The following SYDE2 variants were observed in gnomAD, a reference collection of about 807,000 sequenced individuals.
SYDE2 encodes the protein rho GTPase-activating protein SYDE2.
Under a neutral mutation model 91.5 loss-of-function variants are expected in SYDE2, and 76 were observed. The observed-to-expected ratio is 0.83, with a 90% CI of 0.69 to 1.01. The LOEUF (loss-of-function observed/expected upper bound fraction) is 1.01. Ranked by LOEUF, SYDE2 falls within the 50% of genes least tolerant of loss-of-function variation. The probability of loss-of-function intolerance (pLI) is 0.00; values close to 1 mark genes in which losing one functional copy is unlikely to be tolerated. For missense variants in SYDE2, 1,364 were observed against 1,367.7 expected, an observed-to-expected ratio of 1.00 and a Z score of 0.04; for synonymous variants, 513 against 506.4, an observed-to-expected ratio of 1.01 and a Z score of -0.18.
chr1:85,160,175 C>A, intron 6 of SYDE2: 1 of 984,978 alleles, frequency 1.0e-6, no homozygotes, highest in Non-Finnish European at 1.2e-6. Flanking sequence ...TTTCCCTGCA[C>A]TAAGATAAAG....
intron 1 of SYDE2, among the ~76,000 whole-genome samples, chr1:85,197,707 T>G (rs565289523): frequency 2.6e-5 from 4 of 152,156 alleles, no homozygotes; most frequent in Non-Finnish European, 5.9e-5. Flanking sequence ...CAGGCTAGAG[T>G]GCAGTGACAC....
In SYDE2 at chr1:85,189,843, A is replaced by G. The variant is rs1055271409; in HGVS notation, c.1441+214T>C. Among the ~76,000 whole-genome samples, 9 of 152,218 alleles carry G rather than the reference A, an allele frequency of 5.9e-5. No individual in the cohort carries two copies. The South Asian group carries it at 1.9e-3, about 32-fold the overall frequency. On this transcript the variant is annotated intron_variant, in intron 2 of 6. Transcript: ENST00000341460. ...GAGTGAGACCCTTTCTCAAAAAAAT[A>G]AAATAAAAATCAAGTCTGTGATAGT...
intron 6 of SYDE2, among the ~76,000 whole-genome samples, chr1:85,163,442 A>AATATATATATATATATAT (rs1491322072): frequency 6.7e-4 from 34 of 50,764 alleles, no homozygotes; most frequent in South Asian, 1.5e-3. Context: ...CTTGTACTTT[A>AATATATATATATATATAT]ATCTATATAT....
Position 85,163,385 on chromosome 1 carries a change from ATTAAC to A in SYDE2, c.3085+1136_3085+1140del, listed in dbSNP as rs545225551. Among the ~76,000 whole-genome samples, 109 of 145,570 alleles carry A rather than the reference ATTAAC, an allele frequency of 7.5e-4. 1 individual carries two copies. In the Middle Eastern group the frequency reaches 0.032, roughly 42 times the overall value. ...TCTCCCAAAGTGCTGGAAAATTTTT[ATTAAC>A]TTAATTTTTAATTCACTTTAAACGA... On this transcript the variant is annotated intron_variant, in intron 6 of 6. Coordinates refer to ENST00000341460, the MANE Select transcript of SYDE2 (RefSeq NM_032184.2).
intron 6 of SYDE2, 35 bp downstream of exon 6, chr1:85,164,491 T>C (rs1159989577): frequency 2.2e-6 from 3 of 1,360,604 alleles, no homozygotes; most frequent in Non-Finnish European, 3.0e-6. Flanking sequence ...TACCCTATCA[T>C]TGAAAGTGAA....
chr1:85,190,301 G>T lies in SYDE2; in HGVS notation c.1197C>A (p.Leu399=). The T allele has an allele frequency of 6.2e-7, 1 of 1,613,914 alleles. No individual in the cohort carries two copies. Among genetic ancestry groups the T allele is most frequent in the Non-Finnish European group, 8.5e-7 (1 of 1,179,890 alleles). ...ACAACATGCTCAAATTGACAGCAGG[G>T]AGCTTCAGAACAGCAGAGTCGGCCT... ...FGEADSAVLK[L]PAVNLSMLSG... Residue 399 remains leucine (L), a synonymous_variant, in exon 2 of 7, where the codon CTC becomes CTA. Transcript: ENST00000341460.
chr1:85,190,611 A>C lies in SYDE2; in HGVS notation c.887T>G (p.Leu296Arg), dbSNP rs776504054. Reference protein sequence around the residue: ...KKRNWLYQSTLRPLNLEEENK... With the variant: ...KKRNWLYQSTRRPLNLEEENK... Reference sequence around the variant, plus strand: ...TTCTTCTTCCAGATTAAGAGGCCTCAGAGTACTCTGATATAGCCAATTGCG... The same window carrying C: ...TTCTTCTTCCAGATTAAGAGGCCTCCGAGTACTCTGATATAGCCAATTGCG... The change falls in exon 2 of 7, where the codon CTG becomes CGG. Residue 296 changes from leucine to arginine, a missense_variant. Transcript: ENST00000341460. 1.1e-5 allele frequency: 18 copies of C among 1,613,872 alleles called. No individual in the cohort carries two copies. In the Admixed American group the frequency reaches 2.7e-4, roughly 24 times the overall value.
intron 2 of SYDE2, among the ~76,000 whole-genome samples, chr1:85,186,967 T>G (rs1189444934): frequency 6.6e-6 from 1 of 152,158 alleles, no homozygotes; most frequent in African/African-American, 2.4e-5. Context: ...AAGGACTTCA[T>G]GTCTAAAACA....
chr1:85,161,837 T>C (rs1404939548), intron 6 of SYDE2, among the ~76,000 whole-genome samples: 2 of 152,038 alleles, frequency 1.3e-5, no homozygotes, highest in East Asian at 3.8e-4. Flanking sequence ...GGAGTATTAT[T>C]TTCAGTATTC....
chr1:85,198,875 C>T (rs1406586727), intron 1 of SYDE2, among the ~76,000 whole-genome samples: 1 of 152,050 alleles, frequency 6.6e-6, no homozygotes, highest in Non-Finnish European at 1.5e-5. Context: ...CCTGGAAATG[C>T]ATGTTTAATA....
chr1:85,154,782 C>T (rs1462599507), downstream of SYDE2, among the ~76,000 whole-genome samples: 1 of 151,798 alleles, frequency 6.6e-6, no homozygotes, highest in Non-Finnish European at 1.5e-5. Flanking sequence ...TACTGCAAAA[C>T]TGGATGCTTG....
chr1:85,195,858 G>C (rs1205884983), intron 1 of SYDE2, among the ~76,000 whole-genome samples: 1 of 152,066 alleles, frequency 6.6e-6, no homozygotes, highest in African/African-American at 2.4e-5. Context: ...ATAATAACAA[G>C]TAAGTGCTAG....
intron 1 of SYDE2, among the ~76,000 whole-genome samples, chr1:85,193,797 T>A (rs1658466433): frequency 6.6e-6 from 1 of 152,016 alleles, no homozygotes; most frequent in Non-Finnish European, 1.5e-5. Context: ...CTAATTTCTT[T>A]TTTTTCTTTT....
intron 4 of SYDE2, among the ~76,000 whole-genome samples, chr1:85,174,275 A>G (rs1034405296): frequency 1.6e-4 from 24 of 152,308 alleles, no homozygotes; most frequent in African/African-American, 4.3e-4. Context: ...GGACATTATT[A>G]ATTAACTTGA....
At chr1:85,180,622 G>A (rs817445) in intron 3 of SYDE2, among the ~76,000 whole-genome samples, 11,494 of 151,626 alleles carry the variant, frequency 0.076, 494 homozygotes, top group Middle Eastern at 0.13. Flanking sequence ...CCCAGGAGGC[G>A]GAGGCTGCAG....
chr1:85,198,192 T>C (rs928543495), intron 1 of SYDE2, among the ~76,000 whole-genome samples: 2 of 152,100 alleles, frequency 1.3e-5, no homozygotes, highest in Non-Finnish European at 2.9e-5. Flanking sequence ...CACATAGTAG[T>C]TTGAATCCAT....
chr1:85,164,861 AT>A (rs968752125), intron 5 of SYDE2, 104 bp from the exon 6 acceptor site: 2 of 674,380 alleles, frequency 3.0e-6, no homozygotes, highest in Non-Finnish European at 4.3e-6. Flanking sequence ...TTTTAAAAGG[AT>A]TTTTTTTAAA....
chr1:85,193,681 T>C (rs1232656822), intron 1 of SYDE2, among the ~76,000 whole-genome samples: 1 of 152,148 alleles, frequency 6.6e-6, no homozygotes, highest in Non-Finnish European at 1.5e-5. Flanking sequence ...TGGAGCACAG[T>C]GGCACCATTA....
intron 2 of SYDE2, among the ~76,000 whole-genome samples, chr1:85,187,655 G>A (rs1284020228): frequency 6.6e-6 from 1 of 151,200 alleles, no homozygotes; most frequent in Non-Finnish European, 1.5e-5. Flanking sequence ...AGAAAATGTG[G>A]CACATATACA....
Sources: allele counts gnomAD v4.1 joint callset (sites outside exome capture counted in the v4.1 genomes callset), GRCh38; gene constraint gnomAD v4.1.1; transcripts MANE v1.5; gene names NCBI Gene and HGNC (gene_info 2026-07-23, HGNC 2026-07-21).